UNC5C: variants seen among roughly 807,000 people sequenced by gnomAD.
UNC5C encodes unc-5 netrin receptor C.
A neutral mutation model predicts 99.8 loss-of-function variants in UNC5C; 47 were observed. The observed-to-expected ratio is 0.47, with a 90% CI of 0.37 to 0.60. The LOEUF is 0.60. Ranked by LOEUF, UNC5C falls within the 20% of genes least tolerant of loss-of-function variation. UNC5C has a pLI of 0.00. For synonymous variants in UNC5C, 487 were observed against 452.2 expected, an observed-to-expected ratio of 1.08 and a Z score of -0.98; for missense variants, 1,062 against 1,165.9, an observed-to-expected ratio of 0.91 and a Z score of 1.30.
intron 3 of UNC5C, among the ~76,000 whole-genome samples, chr4:95,292,251 A>G (rs2149400327): frequency 6.9e-6 from 1 of 145,306 alleles, no homozygotes; most frequent in East Asian, 2.0e-4. Flanking sequence ...ATATATATAT[A>G]TATATATATA....
intron 1 of UNC5C, among the ~76,000 whole-genome samples, chr4:95,465,510 AG>A (rs1328354631): frequency 1.3e-5 from 2 of 151,270 alleles, no homozygotes; most frequent in Admixed American, 6.6e-5. Context: ...GCTCCTCTGG[AG>A]GTGTTTCTTT....
chr4:95,309,428 A>G (rs1020735235), intron 2 of UNC5C, among the ~76,000 whole-genome samples: 1 of 152,182 alleles, frequency 6.6e-6, no homozygotes, highest in Non-Finnish European at 1.5e-5. Flanking sequence ...AAAAATAGAC[A>G]AATAGGAATA....
chr4:95,286,786 G>T (rs1741248519), intron 3 of UNC5C, among the ~76,000 whole-genome samples: 1 of 152,184 alleles, frequency 6.6e-6, no homozygotes, highest in African/African-American at 2.4e-5. Context: ...CCGGCTGCAT[G>T]GTGCCAATAG....
intron 1 of UNC5C, among the ~76,000 whole-genome samples, chr4:95,392,429 CATTTT>C (rs756997660): frequency 6.0e-4 from 69 of 115,314 alleles, no homozygotes; most frequent in African/African-American, 9.8e-4. Flanking sequence ...AGTATCAAAA[CATTTT>C]TTTTTTTTTT....
At chr4:95,538,744 T>C (rs1722841692) in intron 1 of UNC5C, among the ~76,000 whole-genome samples, 1 of 152,160 alleles carries the variant, frequency 6.6e-6, no homozygotes, top group African/African-American at 2.4e-5. Context: ...TCAATATATG[T>C]TTATATATTG....
intron 13 of UNC5C, among the ~76,000 whole-genome samples, chr4:95,183,877 G>A (rs551776789): frequency 3.9e-5 from 6 of 152,150 alleles, no homozygotes; most frequent in Non-Finnish European, 7.3e-5. Flanking sequence ...TAAACAAAGA[G>A]CTTCTCATTC....
chr4:95,469,801 A>C (rs1747911200), intron 1 of UNC5C, among the ~76,000 whole-genome samples: 1 of 152,164 alleles, frequency 6.6e-6, no homozygotes, highest in Admixed American at 6.5e-5. Context: ...TAAACAAGAA[A>C]ATAAACATGT....
intron 1 of UNC5C, among the ~76,000 whole-genome samples, chr4:95,528,439 A>T (rs569202442): frequency 6.6e-6 from 1 of 152,288 alleles, no homozygotes; most frequent in Admixed American, 6.5e-5. Flanking sequence ...TCAAGCACTG[A>T]CATCATTTTG....
At chr4:95,482,374 G>A (rs1485420576) in intron 1 of UNC5C, among the ~76,000 whole-genome samples, 1 of 152,080 alleles carries the variant, frequency 6.6e-6, no homozygotes, top group Non-Finnish European at 1.5e-5. Flanking sequence ...TGCTGGAGAG[G>A]ATATGGAGAA....
intron 1 of UNC5C, among the ~76,000 whole-genome samples, chr4:95,510,462 T>G (rs1018393123): frequency 3.3e-5 from 5 of 152,042 alleles, no homozygotes; most frequent in Non-Finnish European, 5.9e-5. Context: ...AACTATTTTT[T>G]CAGTGCCCAC....
At chr4:95,222,587 A>C (rs1738511368) in intron 7 of UNC5C, among the ~76,000 whole-genome samples, 1 of 152,196 alleles carries the variant, frequency 6.6e-6, no homozygotes, top group Non-Finnish European at 1.5e-5. Context: ...CATTAGCATA[A>C]GGAAAATCTT....
chr4:95,175,574 C>A (rs1736305851), intron 14 of UNC5C, among the ~76,000 whole-genome samples: 1 of 152,162 alleles, frequency 6.6e-6, no homozygotes, highest in South Asian at 2.1e-4. Flanking sequence ...TATTGGCCCC[C>A]ACTCCCTTCT....
chr4:95,285,664 A>G (rs1345341838), intron 3 of UNC5C, among the ~76,000 whole-genome samples: 1 of 152,178 alleles, frequency 6.6e-6, no homozygotes, highest in Non-Finnish European at 1.5e-5. Context: ...ACTGAGTGTT[A>G]TGACCCTTGA....
Position 95,289,041 on chromosome 4 carries a change from G to C in UNC5C, c.491-10679C>G, listed in dbSNP as rs1741348152. Among the ~76,000 whole-genome samples the C allele has an allele frequency of 3.3e-5, 5 of 151,878 alleles. No homozygotes were observed. The South Asian group carries it at 1.0e-3, about 32-fold the overall frequency. ...TTAATCCTAGTTCTGTACTTACTGA[G>C]GTTGCTATGTTTTCATTTCTTCATC... On this transcript the variant is annotated intron_variant, in intron 3 of 15. Transcript: ENST00000453304.
Position 95,480,573 on chromosome 4 carries a change from T to A in UNC5C, c.124+68161A>T, listed in dbSNP as rs191617170. Reference sequence around the variant, plus strand: ...ACAAAAAAGGAGCATATTAAGATGATCACAATGGAATTCGCTGCAACAGAA... The same window carrying A: ...ACAAAAAAGGAGCATATTAAGATGAACACAATGGAATTCGCTGCAACAGAA... On this transcript the variant is annotated intron_variant, in intron 1 of 15. Coordinates refer to ENST00000453304, the MANE Select transcript of UNC5C (RefSeq NM_003728.4). 2.4e-4 allele frequency among the ~76,000 whole-genome samples: 37 copies of A among 151,874 alleles called. 1 individual carries two copies. Among genetic ancestry groups the A allele is most frequent in the Non-Finnish European group, 3.7e-4 (25 of 67,920 alleles).
Position 95,301,612 on chromosome 4 carries a change from T to G in UNC5C, c.484A>C (p.Ile162Leu), listed in dbSNP as rs777002456. ...TTATTGTACAATGACTCACATGCAA[T>G]GCGCACATACGCCTTCCGGCTCTTT... The part of the protein sequence containing the change: ...TTKSRKAYVR[I>L]AYLRKTFEQE... Residue 162 changes from isoleucine to leucine, a missense_variant, in exon 3 of 16, where the codon ATT (isoleucine) becomes CTT (leucine). Ile to Leu is a conservative substitution (Grantham distance 5, BLOSUM62 2). Coordinates refer to ENST00000453304, the MANE Select transcript of UNC5C (RefSeq NM_003728.4). 2.5e-6 allele frequency: 4 copies of G among 1,614,064 alleles called. No individual in the cohort carries two copies. Among genetic ancestry groups the G allele is most frequent in the Non-Finnish European group, 8.5e-7 (1 of 1,180,010 alleles).
chr4:95,485,298 C>T (rs1385753200), intron 1 of UNC5C, among the ~76,000 whole-genome samples: 3 of 151,658 alleles, frequency 2.0e-5, no homozygotes, highest in South Asian at 2.1e-4. Flanking sequence ...TTTAATGATA[C>T]TAAATGAGTT....
intron 1 of UNC5C, among the ~76,000 whole-genome samples, chr4:95,477,047 C>T (rs909996925): frequency 5.9e-5 from 9 of 151,862 alleles, no homozygotes; most frequent in Non-Finnish European, 8.8e-5. Flanking sequence ...CACAAATATG[C>T]GACAGAGACA....
intron 1 of UNC5C, among the ~76,000 whole-genome samples, chr4:95,546,948 A>C (rs556011048): frequency 2.1e-4 from 30 of 141,720 alleles, no homozygotes; most frequent in South Asian, 1.9e-3. Context: ...CCCGCCACCC[A>C]CCCCCATGGC....
Sources: allele counts gnomAD v4.1 joint callset (sites outside exome capture counted in the v4.1 genomes callset), GRCh38; gene constraint gnomAD v4.1.1; transcripts MANE v1.5; gene names NCBI Gene and HGNC (gene_info 2026-07-23, HGNC 2026-07-21).